The following ROBO2 variants were observed in gnomAD, a reference collection of about 807,000 sequenced individuals.
ROBO2 encodes the protein roundabout guidance receptor 2, also known as roundabout homolog 2.
Under a neutral mutation model 160.8 loss-of-function variants are expected in ROBO2, and 53 were observed. That is an observed-to-expected ratio of 0.33 (90% CI 0.26 to 0.41). The LOEUF is 0.41. ROBO2 is among the 10% of genes least tolerant of loss of function. The pLI, the probability that ROBO2 is intolerant of heterozygous loss-of-function variation, is 1.00. For synonymous variants in ROBO2, 664 were observed against 611.7 expected, an observed-to-expected ratio of 1.09 and a Z score of -1.26; for missense variants, 1,577 against 1,722.4, an observed-to-expected ratio of 0.92 and a Z score of 1.49.
chr3:76,883,025 T>C (rs1373002284), intron 2 of ROBO2, among the ~76,000 whole-genome samples: 1 of 152,186 alleles, frequency 6.6e-6, no homozygotes, highest in Non-Finnish European at 1.5e-5. Context: ...GGAAGGAGAA[T>C]GGCCTCTTTT....
chr3:76,501,775 C>T (rs1255149210), intron 2 of ROBO2, among the ~76,000 whole-genome samples: 1 of 152,136 alleles, frequency 6.6e-6, no homozygotes, highest in Non-Finnish European at 1.5e-5. Flanking sequence ...ATTTTTATAA[C>T]ATTTTATATT....
chr3:76,670,252 T>C (rs2092213738), intron 2 of ROBO2, among the ~76,000 whole-genome samples: 1 of 152,036 alleles, frequency 6.6e-6, no homozygotes, highest in South Asian at 2.1e-4. Flanking sequence ...TTAGCTTTTA[T>C]ACATTTTATG....
chr3:76,720,999 A>T (rs542979722), intron 2 of ROBO2, among the ~76,000 whole-genome samples: 3 of 152,272 alleles, frequency 2.0e-5, no homozygotes, highest in South Asian at 4.1e-4. Context: ...ATTGGACAAA[A>T]CCCAAGATTT....
At chr3:77,571,672 C>G (rs76713921) in intron 13 of ROBO2, among the ~76,000 whole-genome samples, 4,079 of 152,024 alleles carry the variant, frequency 0.027, 126 homozygotes, top group East Asian at 0.13. Context: ...ACCCATGAAT[C>G]TGTGGTCAGA....
At chr3:76,421,979 C>T (rs1183380802) in intron 2 of ROBO2, among the ~76,000 whole-genome samples, 1 of 152,080 alleles carries the variant, frequency 6.6e-6, no homozygotes, top group Admixed American at 6.6e-5. Flanking sequence ...TCCTGACATG[C>T]ACATATTGAG....
intron 6 of ROBO2, among the ~76,000 whole-genome samples, chr3:77,533,924 T>C (rs187643939): frequency 4.8e-4 from 73 of 152,144 alleles, no homozygotes; most frequent in African/African-American, 1.7e-3. Context: ...TTTCTCCGCC[T>C]TCTGAATTTT....
chr3:77,610,823 A>G (rs1481161404), intron 21 of ROBO2, among the ~76,000 whole-genome samples: 1 of 150,014 alleles, frequency 6.7e-6, no homozygotes, highest in Non-Finnish European at 1.5e-5. Context: ...AGATAGTCCC[A>G]TTAGTCTTCC....
intron 2 of ROBO2, among the ~76,000 whole-genome samples, chr3:76,088,269 C>T (rs1044499849): frequency 6.6e-6 from 1 of 152,056 alleles, no homozygotes; most frequent in African/African-American, 2.4e-5. Flanking sequence ...TAAATCTACT[C>T]TTATAATTAG....
intron 2 of ROBO2, among the ~76,000 whole-genome samples, chr3:77,357,267 A>C (rs1426474557): frequency 6.6e-6 from 1 of 152,148 alleles, no homozygotes; most frequent in Non-Finnish European, 1.5e-5. Context: ...CTCTAGCAAA[A>C]GACTCTGCCC....
intron 2 of ROBO2, among the ~76,000 whole-genome samples, chr3:76,550,914 T>TA (rs2083376350): frequency 6.6e-6 from 1 of 152,094 alleles, no homozygotes; most frequent in Non-Finnish European, 1.5e-5. Context: ...CAGGCAACCC[T>TA]TAGTGTGAAC....
intron 2 of ROBO2, among the ~76,000 whole-genome samples, chr3:76,193,328 C>T (rs1179287722): frequency 6.6e-6 from 1 of 152,092 alleles, no homozygotes; most frequent in East Asian, 1.9e-4. Flanking sequence ...ACTTTATTCT[C>T]CAGTCAGCTT....
chr3:77,231,863 A>G (rs757818400), intron 2 of ROBO2, among the ~76,000 whole-genome samples: 2 of 152,130 alleles, frequency 1.3e-5, no homozygotes. Context: ...TCTGGCCTCT[A>G]TCCTTGAGGC....
chr3:77,584,084 C>T (rs905811917), intron 16 of ROBO2, among the ~76,000 whole-genome samples: 1 of 152,088 alleles, frequency 6.6e-6, no homozygotes, highest in African/African-American at 2.4e-5. Flanking sequence ...TCAGGGTTCA[C>T]CTTTGGATGT....
At chr3:77,312,008 C>T (rs1001035814) in intron 2 of ROBO2, among the ~76,000 whole-genome samples, 5 of 152,060 alleles carry the variant, frequency 3.3e-5, no homozygotes, top group Non-Finnish European at 7.4e-5. Flanking sequence ...ACTGCTTGAA[C>T]CTGGGAGGCG....
At chr3:76,279,343 C>A (rs1401859760) in intron 2 of ROBO2, among the ~76,000 whole-genome samples, 1 of 151,604 alleles carries the variant, frequency 6.6e-6, no homozygotes, top group African/African-American at 2.4e-5. Context: ...TAATTTATTG[C>A]ACCATGTTCT....
At chr3:76,219,347 C>T (rs1243673624) in intron 2 of ROBO2, among the ~76,000 whole-genome samples, 2 of 152,144 alleles carry the variant, frequency 1.3e-5, no homozygotes. Flanking sequence ...AACTAAAGAG[C>T]TTGTGCACAG....
chr3:77,069,611 TG>T (rs2067201433), intron 1 of ROBO2, among the ~76,000 whole-genome samples: 1 of 152,234 alleles, frequency 6.6e-6, no homozygotes, highest in Non-Finnish European at 1.5e-5. Flanking sequence ...TTGACACATC[TG>T]GTGGTGGTTA....
rs145559270 is a variant in ROBO2 at position 76,610,165 on chromosome 3, C to T, written c.110-487849C>T. Among the ~76,000 whole-genome samples the T allele has an allele frequency of 2.5e-3, 375 of 152,274 alleles. 3 individuals carry two copies. Among genetic ancestry groups the T allele is most frequent in the African/African-American group, 8.9e-3 (368 of 41,566 alleles). On this transcript the variant is annotated intron_variant, in intron 2 of 26. Coordinates refer to the ROBO2 transcript ENST00000487694. ...CATCAAGGATATTGGTCTATAGTTT[C>T]ACTGATGTGTCTTTGTCTGGTTTTG...
intron 2 of ROBO2, among the ~76,000 whole-genome samples, chr3:77,339,402 A>C (rs1467315883): frequency 1.3e-5 from 2 of 152,108 alleles, no homozygotes; most frequent in Admixed American, 6.6e-5. Context: ...ATTTTTCACC[A>C]TCTTCTTCAT....
Sources: gnomAD v4.1 joint callset for allele counts (sites outside exome capture counted in the v4.1 genomes callset) on GRCh38, gnomAD v4.1.1 for gene constraint, MANE v1.5 for transcripts, NCBI Gene and HGNC (gene_info 2026-07-23, HGNC 2026-07-21) for gene names.